Variants in CDH13 observed in about 807,000 individuals in gnomAD.
CDH13 encodes cadherin-13.
In CDH13, 24 loss-of-function variants were observed where a neutral mutation model predicts 63.8. That is an observed-to-expected ratio of 0.38 (90% CI 0.27 to 0.53). CDH13 has a LOEUF of 0.53. Ranked by LOEUF, CDH13 falls within the 20% of genes least tolerant of loss-of-function variation. CDH13 has a pLI of 0.85. For missense variants in CDH13, 1,049 were observed against 903.1 expected (o/e 1.16, Z -2.07); for synonymous variants, 503 against 355.3 (o/e 1.42, Z -4.67).
intron 8 of CDH13, among the ~76,000 whole-genome samples, chr16:83,656,182 A>G (rs1006096288): frequency 6.6e-6 from 1 of 152,186 alleles, no homozygotes; most frequent in South Asian, 2.1e-4. Flanking sequence ...GGAATCATAT[A>G]GTTTTTAAGA....
chr16:83,120,490 C>T (rs2035515470), intron 3 of CDH13, among the ~76,000 whole-genome samples: 1 of 152,184 alleles, frequency 6.6e-6, no homozygotes, highest in Non-Finnish European at 1.5e-5. Flanking sequence ...TTTAGACATA[C>T]ATTGTCATCA....
chr16:83,787,074 C>G (rs1483728761), intron 13 of CDH13, among the ~76,000 whole-genome samples: 1 of 152,206 alleles, frequency 6.6e-6, no homozygotes, highest in Non-Finnish European at 1.5e-5. Context: ...TACACTCACT[C>G]ACACACATTC....
At chr16:82,779,970 C>T (rs1371688577) in intron 1 of CDH13, among the ~76,000 whole-genome samples, 1 of 152,118 alleles carries the variant, frequency 6.6e-6, no homozygotes, top group African/African-American at 2.4e-5. Context: ...TTGACAGGCG[C>T]ACTTTAGGGG....
intron 2 of CDH13, among the ~76,000 whole-genome samples, chr16:82,929,439 G>A (rs534330719): frequency 4.6e-5 from 7 of 151,748 alleles, no homozygotes; most frequent in South Asian, 4.2e-4. Flanking sequence ...TCAGGAGATC[G>A]AGACCATCCT....
chr16:83,635,635 C>G (rs1911192164), intron 8 of CDH13, among the ~76,000 whole-genome samples: 1 of 152,096 alleles, frequency 6.6e-6, no homozygotes, highest in Non-Finnish European at 1.5e-5. Flanking sequence ...AGCCACCACG[C>G]CCGGCCCCAT....
At chr16:83,278,761 T>G (rs1207254337) in intron 5 of CDH13, among the ~76,000 whole-genome samples, 1 of 152,176 alleles carries the variant, frequency 6.6e-6, no homozygotes, top group Non-Finnish European at 1.5e-5. Flanking sequence ...GCAAACTCCT[T>G]GAGAGCATCT....
intron 8 of CDH13, among the ~76,000 whole-genome samples, chr16:83,657,261 A>G (rs1383709211): frequency 6.6e-6 from 1 of 152,200 alleles, no homozygotes; most frequent in East Asian, 1.9e-4. Context: ...CTCCATTGCT[A>G]CATTGTTCCT....
At chr16:83,141,007 C>G (rs2036507332) in intron 4 of CDH13, among the ~76,000 whole-genome samples, 1 of 152,184 alleles carries the variant, frequency 6.6e-6, no homozygotes, top group African/African-American at 2.4e-5. Flanking sequence ...ATTTGAAGTT[C>G]CCAATGAACC....
intron 1 of CDH13, among the ~76,000 whole-genome samples, chr16:82,684,622 C>T (rs1488609444): frequency 6.6e-6 from 1 of 151,970 alleles, no homozygotes; most frequent in African/African-American, 2.4e-5. Flanking sequence ...TTTCTGAAAA[C>T]TATTGATACT....
chr16:82,877,348 C>T (rs989182867), intron 2 of CDH13, among the ~76,000 whole-genome samples: 7 of 152,194 alleles, frequency 4.6e-5, no homozygotes, highest in Admixed American at 3.3e-4. Context: ...CCAAATGAAG[C>T]AGTGAAATTG....
chr16:82,776,906 C>T (rs988962854), intron 1 of CDH13, among the ~76,000 whole-genome samples: 7 of 152,322 alleles, frequency 4.6e-5, no homozygotes, highest in African/African-American at 1.7e-4. Flanking sequence ...TCAGAGTCAT[C>T]AAGCTAACAG....
chr16:82,881,454 G>C (rs1192654406), intron 2 of CDH13, among the ~76,000 whole-genome samples: 1 of 152,100 alleles, frequency 6.6e-6, no homozygotes, highest in Admixed American at 6.5e-5. Flanking sequence ...TCCTGAGTTG[G>C]GGCAAGGGAG....
intron 4 of CDH13, among the ~76,000 whole-genome samples, chr16:83,143,275 A>G (rs76709937): frequency 0.015 from 2,255 of 152,340 alleles, 50 homozygotes; most frequent in African/African-American, 0.051. Context: ...ATTTGATCCA[A>G]TATGTCAAGT....
chr16:83,201,837 C>T (rs2039041450), intron 4 of CDH13, among the ~76,000 whole-genome samples: 1 of 151,840 alleles, frequency 6.6e-6, no homozygotes, highest in African/African-American at 2.4e-5. Flanking sequence ...ATGGCGTGAA[C>T]CCGGAAGGCA....
intron 5 of CDH13, among the ~76,000 whole-genome samples, chr16:83,239,600 C>G (rs954605229): frequency 6.6e-6 from 1 of 152,192 alleles, no homozygotes; most frequent in Non-Finnish European, 1.5e-5. Context: ...TAGCATCATT[C>G]CAGTCTGTCT....
intron 2 of CDH13, among the ~76,000 whole-genome samples, chr16:82,878,237 A>T (rs11150508): frequency 6.6e-6 from 1 of 151,856 alleles, no homozygotes; most frequent in Admixed American, 6.6e-5. Context: ...TGAAATCTGC[A>T]GTTATCTCTA....
intron 4 of CDH13, among the ~76,000 whole-genome samples, chr16:83,212,181 G>A (rs987258177): frequency 6.6e-6 from 1 of 152,138 alleles, no homozygotes; most frequent in Non-Finnish European, 1.5e-5. Flanking sequence ...AGGTGGTCTG[G>A]AAACACACTT....
intron 2 of CDH13, among the ~76,000 whole-genome samples, chr16:82,948,219 C>A (rs1212141140): frequency 1.3e-5 from 2 of 152,104 alleles, no homozygotes; most frequent in Non-Finnish European, 2.9e-5. Flanking sequence ...TTTACTCCCC[C>A]AAATCTGCTT....
At chr16:82,779,906 C>A (rs1303623463) in intron 1 of CDH13, among the ~76,000 whole-genome samples, 2 of 152,114 alleles carry the variant, frequency 1.3e-5, no homozygotes, top group African/African-American at 2.4e-5. Flanking sequence ...ATCGATCAGT[C>A]CCCCAAGAAG....
Sources: allele counts gnomAD v4.1 joint callset (sites outside exome capture counted in the v4.1 genomes callset), GRCh38; gene constraint gnomAD v4.1.1; transcripts MANE v1.5; gene names NCBI Gene and HGNC (gene_info 2026-07-23, HGNC 2026-07-21).